Variants in ATAD2 observed in about 807,000 individuals in gnomAD.
ATAD2 encodes ATPase family AAA domain-containing protein 2.
A neutral mutation model predicts 168.9 loss-of-function variants in ATAD2; 62 were observed. The ratio of observed to expected loss-of-function variants is 0.37; its 90% confidence interval spans 0.30 to 0.45. ATAD2 has a LOEUF of 0.45. Among genes scored for constraint, ATAD2 ranks in the 20% least tolerant of loss-of-function variants. The pLI, the probability that ATAD2 is intolerant of heterozygous loss-of-function variation, is 1.00. For missense variants in ATAD2, 1,419 were observed against 1,667.8 expected, an observed-to-expected ratio of 0.85 and a Z score of 2.60; for synonymous variants, 613 against 571.6, an observed-to-expected ratio of 1.07 and a Z score of -1.03.
intron 19 of ATAD2, among the ~76,000 whole-genome samples, chr8:123,339,790 A>G (rs1409399140): frequency 6.6e-6 from 1 of 152,252 alleles, no homozygotes. Context: ...ATTTATGTAT[A>G]AACCATGTTT....
intron 2 of ATAD2, among the ~76,000 whole-genome samples, 174 bp downstream of exon 2, chr8:123,380,355 G>A (rs1037438408): frequency 3.3e-5 from 5 of 152,060 alleles, no homozygotes; most frequent in East Asian, 1.9e-4. Flanking sequence ...GCCTGGCCAC[G>A]TATTAATTTT....
rs750643642 is a variant in ATAD2, at chr8:123,322,974, C to T, written c.4095G>A (p.Arg1365=). ...LYAVISQCIY[R]HRKDHDKTSL... ...ATGTTTTATCATGGTCCTTGCGATGCCGATAAATACATTGGCTGATTACTG... is the reference window on the plus strand; with the variant it reads ...ATGTTTTATCATGGTCCTTGCGATGTCGATAAATACATTGGCTGATTACTG... Residue 1365 remains arginine, a synonymous_variant, in exon 27 of 28, where the codon CGG becomes CGA. Coordinates refer to ENST00000287394, the MANE Select transcript of ATAD2 (RefSeq NM_014109.4). 2.5e-6 allele frequency: 4 copies of T among 1,613,696 alleles called. No homozygotes were observed. In the Admixed American group the frequency reaches 6.7e-5, roughly 27 times the overall value.
At chr8:123,330,324 C>T (rs1373914990) in intron 24 of ATAD2, among the ~76,000 whole-genome samples, 2 of 151,248 alleles carry the variant, frequency 1.3e-5, no homozygotes, top group African/African-American at 4.9e-5. Flanking sequence ...TGTTTGGGAA[C>T]TTGTCTGCTG....
At chr8:123,391,354 A>T (rs535078033) in intron 1 of ATAD2, among the ~76,000 whole-genome samples, 9 of 152,066 alleles carry the variant, frequency 5.9e-5, no homozygotes, top group Admixed American at 5.2e-4. Flanking sequence ...CAAAAACACA[A>T]ATCTATAAGC....
chr8:123,348,325 C>G, intron 14 of ATAD2, 52 bp from the exon 15 acceptor site: 1 of 1,241,876 alleles, frequency 8.1e-7, no homozygotes, highest in Non-Finnish European at 1.1e-6. Flanking sequence ...AAATGCTATT[C>G]AGATTACATT....
chr8:123,330,051 A>C (rs949093899), intron 24 of ATAD2, among the ~76,000 whole-genome samples: 4 of 142,604 alleles, frequency 2.8e-5, no homozygotes, highest in Non-Finnish European at 4.5e-5. Flanking sequence ...GCTGTGGCAT[A>C]ATCAATAGCT....
chr8:123,370,766 C>T, intron 6 of ATAD2, 137 bp downstream of exon 6: 2 of 620,938 alleles, frequency 3.2e-6, no homozygotes, highest in South Asian at 4.6e-5. Context: ...CCCCTTTCCC[C>T]ACTTTTAAGT....
chr8:123,344,344 CTTTTTTT>C (rs764379399), intron 19 of ATAD2, among the ~76,000 whole-genome samples: 3 of 125,862 alleles, frequency 2.4e-5, no homozygotes, highest in African/African-American at 9.4e-5. Flanking sequence ...TTTTTAAATA[CTTTTTTT>C]TTTTTTTTTT....
chr8:123,367,736 T>TGGAC (rs1829025382), intron 8 of ATAD2, among the ~76,000 whole-genome samples: 3 of 152,242 alleles, frequency 2.0e-5, no homozygotes, highest in Admixed American at 2.0e-4. Context: ...TCCATCCTTC[T>TGGAC]GGACCCTGGT....
At chr8:123,367,402 G>A (rs1322429541) in intron 8 of ATAD2, among the ~76,000 whole-genome samples, 1 of 152,180 alleles carries the variant, frequency 6.6e-6, no homozygotes, top group Non-Finnish European at 1.5e-5. Context: ...GGGCGAGAGA[G>A]TGAGATTTCC....
At chr8:123,370,842 T>C in intron 6 of ATAD2, 61 bp downstream of exon 6, 4 of 1,282,952 alleles carry the variant, frequency 3.1e-6, no homozygotes, top group Non-Finnish European at 4.4e-6. Context: ...AAGGCTATTT[T>C]CTACTAAATA....
At chr8:123,403,679 T>C (rs1813035538) in intron 1 of ATAD2, among the ~76,000 whole-genome samples, 1 of 152,040 alleles carries the variant, frequency 6.6e-6, no homozygotes, top group Non-Finnish European at 1.5e-5. Context: ...GATTGGCTCT[T>C]TGGTGAGAAT....
intron 7 of ATAD2, chr8:123,369,486 A>T (rs1393788248): frequency 3.6e-6 from 1 of 276,096 alleles, no homozygotes; most frequent in Non-Finnish European, 6.7e-6. Context: ...ATTAATGCTC[A>T]CAAGTACTGT....
rs1812999880 is a variant in ATAD2 at position 123,401,521 on chromosome 8, G to A, written c.-2281-346C>T. 1.2e-5 allele frequency: 19 copies of A among 1,563,336 alleles called. 1 individual carries two copies. The South Asian group carries it at 1.5e-4, about 12-fold the overall frequency. ...CAGGCCAAGAACCTGATTGATGCTG[G>A]TGTGGACGGGCTGTGTGTGGGCATA... On this transcript the variant is annotated intron_variant, in intron 1 of 28. Transcript: ENST00000521903.
At chr8:123,389,960 TTATATATATA>T (rs386360951) in intron 1 of ATAD2, among the ~76,000 whole-genome samples, 9 of 94,050 alleles carry the variant, frequency 9.6e-5, no homozygotes, top group African/African-American at 2.9e-4. Context: ...TACTATTATT[TTATATATATA>T]TATATATATA....
chr8:123,341,463 T>C (rs1035132531), intron 19 of ATAD2, among the ~76,000 whole-genome samples: 3 of 152,210 alleles, frequency 2.0e-5, no homozygotes, highest in Admixed American at 6.5e-5. Context: ...AGTAATACTA[T>C]GGCTAACAAT....
chr8:123,339,282 T>C, intron 20 of ATAD2, 29 bp downstream of exon 20: 1 of 1,468,526 alleles, frequency 6.8e-7, no homozygotes, highest in Non-Finnish European at 9.2e-7. Flanking sequence ...TCAAAATTAT[T>C]AAATATTAAC....
rs58655606 is a variant in ATAD2, at chr8:123,377,091, CAAAAAA to C, written c.320+3432_320+3437del. The stretch of plus-strand genomic sequence containing the variant: ...GGGCAAAAAGAGTGAGACTCCGTCT[CAAAAAA>C]AAAAAAAAAAAAAAAGAGCCAGGTG... On this transcript the variant is annotated intron_variant, in intron 2 of 27. Coordinates refer to ENST00000287394, the MANE Select transcript of ATAD2 (RefSeq NM_014109.4). 5.6e-3 allele frequency among the ~76,000 whole-genome samples: 153 copies of C among 27,256 alleles called. 9 individuals are homozygous for C. The highest frequency in any genetic ancestry group is 0.025 in the African/African-American group (145 of 5,802). The allele number at this position is 27,256 out of a possible 152,430, so 17.9% of individuals were successfully genotyped here. A position where few individuals can be genotyped will look rare whatever the true frequency, so the allele number is the denominator to read the frequency against.
At chr8:123,383,521 C>T (rs1829554580) in intron 1 of ATAD2, among the ~76,000 whole-genome samples, 1 of 152,150 alleles carries the variant, frequency 6.6e-6, no homozygotes, top group South Asian at 2.1e-4. Context: ...CCTGTAATCC[C>T]AGGACTTTGG....
Sources: allele counts gnomAD v4.1 joint callset (sites outside exome capture counted in the v4.1 genomes callset), GRCh38; gene constraint gnomAD v4.1.1; transcripts MANE v1.5; gene names NCBI Gene and HGNC (gene_info 2026-07-23, HGNC 2026-07-21).